The following SGK1 variants were observed in gnomAD, a reference collection of about 807,000 sequenced individuals.
The protein encoded by SGK1 is serum/glucocorticoid regulated kinase 1.
In SGK1, 26 loss-of-function variants were observed where a neutral mutation model predicts 64.2. That is an observed-to-expected ratio of 0.40 (90% CI 0.30 to 0.56). SGK1 has a LOEUF of 0.56. SGK1 is among the 20% of genes least tolerant of loss of function. The pLI is 0.38. For synonymous variants in SGK1, 265 were observed against 239.7 expected, an observed-to-expected ratio of 1.11 and a Z score of -0.98; for missense variants, 519 against 645.6, an observed-to-expected ratio of 0.80 and a Z score of 2.12.
intron 2 of SGK1, among the ~76,000 whole-genome samples, chr6:134,212,970 G>C (rs927575642): frequency 6.6e-6 from 1 of 151,978 alleles, no homozygotes; most frequent in Non-Finnish European, 1.5e-5. Flanking sequence ...TCTTCCCCAC[G>C]TTGAAGCTGC....
At chr6:134,229,132 G>C (rs1300827152) in intron 2 of SGK1, among the ~76,000 whole-genome samples, 1 of 152,210 alleles carries the variant, frequency 6.6e-6, no homozygotes, top group Non-Finnish European at 1.5e-5. Flanking sequence ...CGCCCAGCGC[G>C]GGTCTTGTAG....
Position 134,170,167 on chromosome 6 carries a change from T to A in SGK1, c.*101A>T. ...GCTAAGCTTCCAGAGATGTGCAAAT[T>A]CTCTTGTAAGATGTCCTGTCAGCTG... On this transcript the variant is annotated 3_prime_UTR_variant, in exon 14 of 14. Transcript: ENST00000367858. 1 of 1,022,568 alleles carries A rather than the reference T, an allele frequency of 9.8e-7. No homozygotes were observed. The highest frequency in any genetic ancestry group is 1.4e-6 in the Non-Finnish European group (1 of 696,510). 63.3% of individuals were successfully genotyped at this position (1,022,568 alleles called of 1,614,324 possible).
intron 1 of SGK1, among the ~76,000 whole-genome samples, chr6:134,283,490 TA>T (rs372830836): frequency 3.4e-5 from 5 of 145,846 alleles, no homozygotes; most frequent in South Asian, 4.4e-4. Flanking sequence ...AACTCTGCCT[TA>T]AAAAAAAAAC....
rs9389158 is a variant in SGK1 at position 134,317,558 on chromosome 6, G to C, written c.-98C>G. ...GGTTTACCTCCTGCAGACAGTTAAT[G>C]AAGACTGAGCGGGATGGAGAATCTA... On this transcript the variant is annotated 5_prime_UTR_variant, in exon 1 of 14. Transcript: ENST00000367858. 34 of 797,980 alleles carry C rather than the reference G, an allele frequency of 4.3e-5. No individual in the cohort carries two copies. In the East Asian group the frequency reaches 7.1e-4, roughly 17 times the overall value. 49.4% of individuals were successfully genotyped at this position (797,980 alleles called of 1,614,324 possible).
intron 3 of SGK1, among the ~76,000 whole-genome samples, chr6:134,185,930 G>A (rs969640764): frequency 6.6e-6 from 1 of 151,980 alleles, no homozygotes; most frequent in Non-Finnish European, 1.5e-5. Flanking sequence ...TTCTATCTAG[G>A]CTCCCAAGCG....
chr6:134,201,916 C>G lies in SGK1; in HGVS notation c.361+5440G>C, dbSNP rs542642619. 2.0e-5 allele frequency among the ~76,000 whole-genome samples: 3 copies of G among 152,188 alleles called. No homozygotes were observed. In the South Asian group the frequency reaches 6.2e-4, roughly 32 times the overall value. On this transcript the variant is annotated intron_variant, in intron 3 of 13. Coordinates refer to ENST00000367858, the MANE Select transcript of SGK1 (RefSeq NM_001143676.3). ...AAAGGGCATGCTGCAGTGTAGAAACCACGGGAGAAACAATTGCGTCACCTA... is the reference window on the plus strand; with the variant it reads ...AAAGGGCATGCTGCAGTGTAGAAACGACGGGAGAAACAATTGCGTCACCTA...
chr6:134,170,393 C>G lies in SGK1; in HGVS notation c.1456G>C (p.Glu486Gln). The change falls in exon 14 of 14, where the codon GAA (glutamate) becomes CAA (glutamine). Residue 486 changes from glutamate to glutamine, a missense_variant. By Grantham distance (29) the Glu-to-Gln change is conservative. Transcript: ENST00000367858. ...CCAATGGAGTTGGGGACAGGCTCTT[C>G]GGTAAACTCGGGGTCAAAGTGCCGT... is the stretch of plus-strand genomic sequence containing the variant. Reference protein sequence around the residue: ...DLRHFDPEFTEEPVPNSIGKS... With the variant: ...DLRHFDPEFTQEPVPNSIGKS... 6.2e-7 allele frequency: 1 copy of G among 1,613,896 alleles called. No individual in the cohort carries two copies. Among genetic ancestry groups the G allele is most frequent in the South Asian group, 1.1e-5 (1 of 91,072 alleles).
intron 1 of SGK1, among the ~76,000 whole-genome samples, chr6:134,277,576 C>G (rs1777036146): frequency 6.6e-6 from 1 of 151,986 alleles, no homozygotes; most frequent in Non-Finnish European, 1.5e-5. Context: ...GGAGGTATCA[C>G]TATAAAATAA....
intron 3 of SGK1, among the ~76,000 whole-genome samples, chr6:134,191,834 G>GTTTTTTTTTTTTT (rs1491153978): frequency 4.0e-4 from 7 of 17,314 alleles, no homozygotes; most frequent in African/African-American, 8.5e-4. Flanking sequence ...ACGCCCGGCT[G>GTTTTTTTTTTTTT]ATTTTTTTTT....
chr6:134,250,127 TACTC>T (rs1776585369), intron 2 of SGK1, among the ~76,000 whole-genome samples: 1 of 152,154 alleles, frequency 6.6e-6, no homozygotes, highest in Non-Finnish European at 1.5e-5. Context: ...CAACAGGAAA[TACTC>T]ACTAGAGTAA....
chr6:134,315,012 T>C (rs1182278564), intron 1 of SGK1, among the ~76,000 whole-genome samples: 7 of 152,164 alleles, frequency 4.6e-5, no homozygotes, highest in Admixed American at 4.6e-4. Context: ...AGTATAAACA[T>C]CAGTATGGTA....
intron 2 of SGK1, chr6:134,230,489 G>A (rs1776259755): frequency 6.6e-6 from 1 of 152,198 alleles, no homozygotes; most frequent in South Asian, 2.1e-4. Context: ...AAGGCGGCCG[G>A]AAGAAGTGCC....
chr6:134,290,175 T>C (rs1273911296), intron 1 of SGK1, among the ~76,000 whole-genome samples: 1 of 122,842 alleles, frequency 8.1e-6, no homozygotes, highest in Non-Finnish European at 1.7e-5. Flanking sequence ...AAAAAAAAAA[T>C]TAGCTATGCA....
At chr6:134,199,710 AGGAAAAATTAAATTTTCTCCTCTG>A (rs1469560989) in intron 3 of SGK1, among the ~76,000 whole-genome samples, 2 of 152,046 alleles carry the variant, frequency 1.3e-5, no homozygotes, top group Admixed American at 6.6e-5. Context: ...TGGAAATATA[AGGAAAAATTAAATTTTCTCCTCTG>A]GGAAAAATTT....
At position 134,169,455 on chromosome 6, in the gene SGK1, A is replaced by G. The variant is rs561489664; in HGVS notation, c.*813T>C. The G allele has an allele frequency of 6.6e-6, 1 of 152,384 alleles. No individual in the cohort carries two copies. The highest frequency in any genetic ancestry group is 6.5e-5 in the Admixed American group (1 of 15,278). 9.4% of individuals were successfully genotyped at this position (152,384 alleles called of 1,614,324 possible). A position where few individuals can be genotyped will look rare whatever the true frequency, so the allele number is the denominator to read the frequency against. On this transcript the variant is annotated 3_prime_UTR_variant, in exon 14 of 14. Transcript: ENST00000367858. Reference sequence around the variant, plus strand: ...AATGTACAGACGTTCTTTATACAATACATACAATTATCAGGAATGCAAAAA... The same window carrying G: ...AATGTACAGACGTTCTTTATACAATGCATACAATTATCAGGAATGCAAAAA...
At chr6:134,291,697 A>C (rs1777266595) in intron 1 of SGK1, among the ~76,000 whole-genome samples, 1 of 152,196 alleles carries the variant, frequency 6.6e-6, no homozygotes, top group South Asian at 2.1e-4. Context: ...TGATTGGAAC[A>C]CTTATTCTAT....
intron 2 of SGK1, among the ~76,000 whole-genome samples, chr6:134,237,728 A>G (rs1291146958): frequency 6.6e-6 from 1 of 152,202 alleles, no homozygotes; most frequent in Non-Finnish European, 1.5e-5. Context: ...TTTCAGTTAC[A>G]TACAGTTTTT....
chr6:134,170,721 A>T, intron 13 of SGK1, 105 bp downstream of exon 13: 1 of 821,002 alleles, frequency 1.2e-6, no homozygotes, highest in Non-Finnish European at 2.0e-6. Flanking sequence ...GTTTATGGAG[A>T]AAACATCTGC....
chr6:134,316,867 T>C (rs1777693722), intron 1 of SGK1, among the ~76,000 whole-genome samples: 1 of 150,874 alleles, frequency 6.6e-6, no homozygotes. Context: ...GTCATTCTAC[T>C]CCTTTGCTAT....
Sources: allele counts gnomAD v4.1 joint callset (sites outside exome capture counted in the v4.1 genomes callset), GRCh38; gene constraint gnomAD v4.1.1; transcripts MANE v1.5; gene names NCBI Gene and HGNC (gene_info 2026-07-23, HGNC 2026-07-21).